The following RIMS1 variants were observed in gnomAD, a reference collection of about 807,000 sequenced individuals.
The protein encoded by RIMS1 is regulating synaptic membrane exocytosis 1.
Under a neutral mutation model 214.1 loss-of-function variants are expected in RIMS1, and 83 were observed. The observed-to-expected ratio is 0.39, with a 90% CI of 0.32 to 0.47. RIMS1 has a LOEUF of 0.47. Among genes scored for constraint, RIMS1 ranks in the 20% least tolerant of loss-of-function variants. The probability of loss-of-function intolerance (pLI) is 0.99; values close to 1 mark genes in which losing one functional copy is unlikely to be tolerated. For missense variants in RIMS1, 2,050 were observed against 2,161.8 expected (o/e 0.95, Z 1.03); for synonymous variants, 793 against 786.8 (o/e 1.01, Z -0.13).
chr6:71,918,628 A>C (rs1335829880), intron 1 of RIMS1, among the ~76,000 whole-genome samples: 2 of 152,204 alleles, frequency 1.3e-5, no homozygotes, highest in African/African-American at 4.8e-5. Context: ...ATCACAGTGC[A>C]TGTGCTGTTG....
intron 3 of RIMS1, among the ~76,000 whole-genome samples, chr6:72,098,197 C>T (rs530018264): frequency 2.0e-5 from 3 of 152,204 alleles, no homozygotes; most frequent in Middle Eastern, 6.8e-3. Flanking sequence ...TCCCAATCAA[C>T]ATTATATTCT....
At chr6:72,080,075 A>G (rs1300085895) in intron 2 of RIMS1, among the ~76,000 whole-genome samples, 2 of 23,492 alleles carry the variant, frequency 8.5e-5, no homozygotes, top group Non-Finnish European at 1.4e-4. Context: ...TGTCTCTACT[A>G]AAAAAAAAAA....
At chr6:72,247,869 A>G (rs560731654) in intron 11 of RIMS1, 146 bp from the exon 12 acceptor site, 1 of 613,378 alleles carries the variant, frequency 1.6e-6, no homozygotes, top group East Asian at 2.8e-5. Context: ...TAAATAGACA[A>G]CTAAAGACAA....
rs79981422 is a variant in RIMS1 at position 72,395,862 on chromosome 6, A to G, written c.4619-2387A>G. Reference sequence around the variant, plus strand: ...GTATTAAATTATCACACATACCTCAAAAATATGTACATATATTATGTACAT... The same window carrying G: ...GTATTAAATTATCACACATACCTCAGAAATATGTACATATATTATGTACAT... On this transcript the variant is annotated intron_variant, in intron 31 of 33. Transcript: ENST00000521978. Among the ~76,000 whole-genome samples the G allele has an allele frequency of 5.1e-3, 772 of 152,068 alleles. 4 individuals are homozygous for G. Among genetic ancestry groups the G allele is most frequent in the African/African-American group, 0.017 (713 of 41,524 alleles).
At chr6:72,048,140 G>A (rs1303648274) in intron 2 of RIMS1, among the ~76,000 whole-genome samples, 1 of 152,148 alleles carries the variant, frequency 6.6e-6, no homozygotes, top group African/African-American at 2.4e-5. Context: ...ACGAATGGTG[G>A]ACAATGGAGC....
At chr6:72,253,165 G>A (rs914156094) in intron 16 of RIMS1, among the ~76,000 whole-genome samples, 2 of 152,054 alleles carry the variant, frequency 1.3e-5, no homozygotes, top group African/African-American at 2.4e-5. Context: ...ATTTTTCTGT[G>A]TTTTATATTT....
At chr6:72,070,072 A>T (rs1480992061) in intron 2 of RIMS1, among the ~76,000 whole-genome samples, 2 of 152,326 alleles carry the variant, frequency 1.3e-5, no homozygotes, top group African/African-American at 2.4e-5. Flanking sequence ...CTTGCATATT[A>T]TTCTCTTATA....
chr6:71,921,826 A>T (rs1582686536), intron 1 of RIMS1, among the ~76,000 whole-genome samples: 1 of 152,194 alleles, frequency 6.6e-6, no homozygotes, highest in Non-Finnish European at 1.5e-5. Context: ...AGTTGAGGAA[A>T]CTGGCCACCA....
intron 4 of RIMS1, among the ~76,000 whole-genome samples, chr6:72,157,973 C>T (rs9293868): frequency 7.2e-6 from 1 of 139,540 alleles, no homozygotes; most frequent in African/African-American, 2.5e-5. Flanking sequence ...AATATAAGAA[C>T]CTCATTCACC....
intron 1 of RIMS1, among the ~76,000 whole-genome samples, chr6:71,961,186 G>T (rs1321342749): frequency 1.3e-5 from 2 of 152,106 alleles, no homozygotes; most frequent in Admixed American, 6.6e-5. Context: ...TCTAATGCAG[G>T]ATTGTCCTGC....
chr6:72,258,329 T>C, intron 17 of RIMS1, 48 bp downstream of exon 17: 1 of 1,484,924 alleles, frequency 6.7e-7, no homozygotes. Context: ...ATTTTTATTA[T>C]AATGCAGTGT....
chr6:71,958,864 T>C, intron 1 of RIMS1, among the ~76,000 whole-genome samples: 1 of 152,108 alleles, frequency 6.6e-6, no homozygotes, highest in Non-Finnish European at 1.5e-5. Flanking sequence ...ATACTATTCA[T>C]CCATTTTTCC....
chr6:71,955,517 T>C (rs936770115), intron 1 of RIMS1, among the ~76,000 whole-genome samples: 7 of 152,154 alleles, frequency 4.6e-5, no homozygotes, highest in Non-Finnish European at 1.0e-4. Context: ...TTTATTTCTC[T>C]TGGGTAAATA....
chr6:72,214,737 T>TG lies in RIMS1; in HGVS notation c.1679-19033dup, dbSNP rs542237314. On this transcript the variant is annotated intron_variant, in intron 6 of 33. Coordinates refer to ENST00000521978, the MANE Select transcript of RIMS1 (RefSeq NM_014989.7). ...ATGATTCATGCATTCTTTTTTTTTTTGGGAGATGGAATCTTGCTCTGTCAC... is the reference window on the plus strand; with the variant it reads ...ATGATTCATGCATTCTTTTTTTTTTTGGGGAGATGGAATCTTGCTCTGTCAC... 8.9e-4 allele frequency among the ~76,000 whole-genome samples: 136 copies of TG among 152,178 alleles called. 1 individual carries two copies. The highest frequency in any genetic ancestry group is 2.9e-3 in the African/African-American group (119 of 41,522).
intron 4 of RIMS1, among the ~76,000 whole-genome samples, chr6:72,162,483 T>C (rs1351712049): frequency 1.4e-5 from 2 of 140,816 alleles, no homozygotes; most frequent in African/African-American, 2.5e-5. Context: ...TTCCTAGCCT[T>C]GATGGTCTTT....
chr6:71,973,755 C>T (rs771586802), intron 2 of RIMS1, among the ~76,000 whole-genome samples: 2 of 152,140 alleles, frequency 1.3e-5, no homozygotes, highest in African/African-American at 2.4e-5. Context: ...TAGATCCTAG[C>T]GAGAAGGGGC....
intron 11 of RIMS1, among the ~76,000 whole-genome samples, chr6:72,247,059 G>A: frequency 6.6e-6 from 1 of 152,154 alleles, no homozygotes. Context: ...CATTGGCTAA[G>A]TTTGAATGGT....
intron 29 of RIMS1, among the ~76,000 whole-genome samples, chr6:72,385,508 TTTACA>T (rs2098579230): frequency 9.9e-6 from 1 of 100,606 alleles, no homozygotes; most frequent in African/African-American, 3.2e-5. Context: ...AAGACCAGAC[TTTACA>T]TTTTCCTAAA....
At chr6:71,910,594 T>A (rs540177809) in intron 1 of RIMS1, among the ~76,000 whole-genome samples, 1 of 152,292 alleles carries the variant, frequency 6.6e-6, no homozygotes, top group South Asian at 2.1e-4. Context: ...TCTGTATCCC[T>A]CATTATCCAG....
Sources: gnomAD v4.1 joint callset for allele counts (sites outside exome capture counted in the v4.1 genomes callset) on GRCh38, gnomAD v4.1.1 for gene constraint, MANE v1.5 for transcripts, NCBI Gene and HGNC (gene_info 2026-07-23, HGNC 2026-07-21) for gene names.